Variants in ZNF264 observed in about 807,000 individuals in gnomAD.
The protein encoded by ZNF264 is zinc finger protein 264.
Under a neutral mutation model 11.2 loss-of-function variants are expected in ZNF264, and 11 were observed. The ratio of observed to expected loss-of-function variants is 0.98; its 90% CI spans 0.62 to 1.63. The LOEUF (loss-of-function observed/expected upper bound fraction) is 1.63, where lower values mean the gene tolerates loss of function less well. Among genes scored for constraint, ZNF264 ranks in the 40% most tolerant of loss-of-function variants. ZNF264 has a pLI of 0.00. For synonymous variants in ZNF264, 309 were observed against 279.8 expected, an observed-to-expected ratio of 1.10 and a Z score of -1.04; for missense variants, 752 against 768.1, an observed-to-expected ratio of 0.98 and a Z score of 0.25.
At chr19:57,194,207 C>A in intron 2 of ZNF264, 2 of 651,334 alleles carry the variant, frequency 3.1e-6, no homozygotes, top group Non-Finnish European at 4.7e-6. Flanking sequence ...GGCTCCCAGC[C>A]AAAGGAGAAG....
intron 2 of ZNF264, among the ~76,000 whole-genome samples, chr19:57,200,994 A>T (rs1413620361): frequency 1.3e-4 from 20 of 151,906 alleles, no homozygotes; most frequent in Admixed American, 1.3e-3. Context: ...TGTTATAAAC[A>T]TTAGTATATA....
rs1459920576 is a variant in ZNF264 at position 57,216,527 on chromosome 19, T to C, written c.*3546T>C. The C allele has an allele frequency of 2.0e-5, 3 of 152,262 alleles. No homozygotes were observed. Among genetic ancestry groups the C allele is most frequent in the Non-Finnish European group, 4.4e-5 (3 of 68,052 alleles). 9.4% of individuals were successfully genotyped at this position (152,262 alleles called of 1,614,324 possible). A position where few individuals can be genotyped will look rare whatever the true frequency, so the allele number is the denominator to read the frequency against. ...CATTATGTGATGTCATTTTTTTGCCTTTTAATAGTCTTGTCAATACTTTAC... is the reference window on the plus strand; with the variant it reads ...CATTATGTGATGTCATTTTTTTGCCCTTTAATAGTCTTGTCAATACTTTAC... On this transcript the variant is annotated 3_prime_UTR_variant, in exon 4 of 4. Coordinates refer to ENST00000263095, the MANE Select transcript of ZNF264 (RefSeq NM_003417.5).
rs1267428548 is a variant in ZNF264, at chr19:57,222,711, C to A, written c.*9730C>A. 1.3e-5 allele frequency: 2 copies of A among 152,118 alleles called. No individual in the cohort carries two copies. The highest frequency in any genetic ancestry group is 2.9e-5 in the Non-Finnish European group (2 of 68,018). The allele number at this position is 152,118 out of a possible 1,614,324, so 9.4% of individuals were successfully genotyped here. ...TGTATTTCTATAGTATATATGTAAA[C>A]AATTTGTCATCCTTTTGTTGCTGCT... On this transcript the variant is annotated 3_prime_UTR_variant, in exon 4 of 4. Coordinates refer to ENST00000263095, the MANE Select transcript of ZNF264 (RefSeq NM_003417.5).
rs375741693 is a variant in ZNF264, at chr19:57,213,026, T to C, written c.*45T>C. On this transcript the variant is annotated 3_prime_UTR_variant, in exon 4 of 4. Coordinates refer to ENST00000263095, the MANE Select transcript of ZNF264 (RefSeq NM_003417.5). ...ATATTACTTGTCATCTGAAGAGTCA[T>C]ATTAGAAATTCGTTCAGTCTAGAGC... The C allele has an allele frequency of 1.4e-5, 21 of 1,553,376 alleles. No individual in the cohort carries two copies. In the African/African-American group the frequency reaches 2.1e-4, roughly 15 times the overall value.
intron 3 of ZNF264, among the ~76,000 whole-genome samples, 156 bp downstream of exon 3, chr19:57,205,648 C>G (rs141560996): frequency 2.0e-5 from 3 of 152,316 alleles, no homozygotes; most frequent in Admixed American, 6.5e-5. Context: ...ATTTGAGAGC[C>G]ATGGAGCCCT....
At chr19:57,197,042 C>T (rs2087216909) in intron 2 of ZNF264, among the ~76,000 whole-genome samples, 1 of 151,912 alleles carries the variant, frequency 6.6e-6, no homozygotes, top group African/African-American at 2.4e-5. Flanking sequence ...CAGGTGGTTC[C>T]TGCATATCAT....
In ZNF264 at chr19:57,212,354, G is replaced by A. The variant is rs1187769348; in HGVS notation, c.1257G>A (p.Arg419=). Residue 419 remains arginine, a synonymous_variant, in exon 4 of 4, where the codon CGG becomes CGA. Coordinates refer to ENST00000263095, the MANE Select transcript of ZNF264 (RefSeq NM_003417.5). ...GATCCTACCTCAAGAGGCACCAGCG[G>A]ATTCACACTGGGGAGAAGCCCTTCG... The part of the protein sequence containing the change: ...NHRSYLKRHQ[R]IHTGEKPFVC... 1.2e-6 allele frequency: 2 copies of A among 1,613,948 alleles called. No homozygotes were observed. Among genetic ancestry groups the A allele is most frequent in the Admixed American group, 1.7e-5 (1 of 60,000 alleles).
rs1470690146 is a variant in ZNF264 at position 57,216,025 on chromosome 19, A to G, written c.*3044A>G. The G allele has an allele frequency of 6.6e-6, 1 of 152,292 alleles. No homozygotes were observed. The highest frequency in any genetic ancestry group is 1.5e-5 in the Non-Finnish European group (1 of 68,120). 9.4% of individuals were successfully genotyped at this position (152,292 alleles called of 1,614,324 possible). A position where few individuals can be genotyped will look rare whatever the true frequency, so the allele number is the denominator to read the frequency against. ...CTATGTCCTTGCTGATTTTCTGTCC[A>G]GCATTTCTGTCAGTTGCTGAGAGGG... On this transcript the variant is annotated 3_prime_UTR_variant, in exon 4 of 4. Transcript: ENST00000263095.
intron 3 of ZNF264, 102 bp from the exon 4 acceptor site, chr19:57,211,250 CAG>C (rs2087332669): frequency 8.6e-7 from 1 of 1,167,818 alleles, no homozygotes; most frequent in Non-Finnish European, 1.2e-6. Context: ...AATAGCAACA[CAG>C]AGGCAATATT....
chr19:57,214,810 CATT>C lies in ZNF264; in HGVS notation c.*1832_*1834del, dbSNP rs1199284850. ...GTACTTTTTCTCCACCAGTTGATGT[CATT>C]ATGCTATTTTCCTTCTACATCCTAT... is the stretch of plus-strand genomic sequence containing the variant. On this transcript the variant is annotated 3_prime_UTR_variant, in exon 4 of 4. Coordinates refer to ENST00000263095, the MANE Select transcript of ZNF264 (RefSeq NM_003417.5). The C allele has an allele frequency of 1.3e-5, 2 of 152,158 alleles. No individual in the cohort carries two copies. The highest frequency in any genetic ancestry group is 3.9e-4 in the East Asian group (2 of 5,194). 9.4% of individuals were successfully genotyped at this position (152,158 alleles called of 1,614,324 possible). A position where few individuals can be genotyped will look rare whatever the true frequency, so the allele number is the denominator to read the frequency against.
In ZNF264 at chr19:57,217,783, C is replaced by CGTTTTTTTTTTTTT. The variant is rs200211709; in HGVS notation, c.*4802_*4803insGTTTTTTTTTTTTT. ...CGTCATGAGAAACATTGTCTCTTGA[C>CGTTTTTTTTTTTTT]CTTTTTTTTTTTTTTTTTTTTTTAA... On this transcript the variant is annotated 3_prime_UTR_variant, in exon 4 of 4. Transcript: ENST00000263095. 8.6e-6 allele frequency: 1 copy of CGTTTTTTTTTTTTT among 115,772 alleles called. No individual in the cohort carries two copies. Among genetic ancestry groups the CGTTTTTTTTTTTTT allele is most frequent in the African/African-American group, 3.8e-5 (1 of 26,212 alleles). 7.2% of individuals were successfully genotyped at this position (115,772 alleles called of 1,614,324 possible). A position where few individuals can be genotyped will look rare whatever the true frequency, so the allele number is the denominator to read the frequency against.
chr19:57,195,010 G>T (rs4801440), intron 2 of ZNF264: 1 of 382,850 alleles, frequency 2.6e-6, no homozygotes. Flanking sequence ...AGGGACTTCT[G>T]GTGACTGTGT....
At chr19:57,193,579 T>TCC in intron 1 of ZNF264, 1 of 975,032 alleles carries the variant, frequency 1.0e-6, no homozygotes, top group Non-Finnish European at 1.2e-6. Flanking sequence ...TATTACCATT[T>TCC]CCCCATTTCC....
At chr19:57,207,763 G>A in intron 3 of ZNF264, among the ~76,000 whole-genome samples, 1 of 151,196 alleles carries the variant, frequency 6.6e-6, no homozygotes, top group Non-Finnish European at 1.5e-5. Flanking sequence ...TTTTGCTGTT[G>A]TTGCCCAGGC....
At chr19:57,205,311 C>A in intron 2 of ZNF264, 86 bp from the exon 3 acceptor site, 1 of 1,312,548 alleles carries the variant, frequency 7.6e-7, no homozygotes, top group South Asian at 1.3e-5. Context: ...AAGGTCTGGT[C>A]TCCATCCTGA....
At chr19:57,194,629 G>A in intron 2 of ZNF264, 1 of 378,394 alleles carries the variant, frequency 2.6e-6, no homozygotes, top group Non-Finnish European at 4.7e-6. Context: ...GGTAGTCTAG[G>A]CCAGTCTAGT....
rs1215858336 is a variant in ZNF264 at position 57,220,455 on chromosome 19, G to T, written c.*7474G>T. 1 of 152,108 alleles carries T rather than the reference G, an allele frequency of 6.6e-6. No individual in the cohort carries two copies. The highest frequency in any genetic ancestry group is 1.9e-4 in the East Asian group (1 of 5,186). The allele number at this position is 152,108 out of a possible 1,614,324, so 9.4% of individuals were successfully genotyped here. A position where few individuals can be genotyped will look rare whatever the true frequency, so the allele number is the denominator to read the frequency against. On this transcript the variant is annotated 3_prime_UTR_variant, in exon 4 of 4. Coordinates refer to ENST00000263095, the MANE Select transcript of ZNF264 (RefSeq NM_003417.5). Reference sequence around the variant, plus strand: ...GTGTTTGAAGTGCCTAAAGATCAGGGTGAATTTCCCAAATTTGAATCTTGT... The same window carrying T: ...GTGTTTGAAGTGCCTAAAGATCAGGTTGAATTTCCCAAATTTGAATCTTGT...
chr19:57,212,593 C>A lies in ZNF264; in HGVS notation c.1496C>A (p.Thr499Lys), dbSNP rs147865767. The A allele has an allele frequency of 2.5e-6, 4 of 1,613,846 alleles. No homozygotes were observed. The highest frequency in any genetic ancestry group is 3.4e-6 in the Non-Finnish European group (4 of 1,179,980). The change falls in exon 4 of 4, where the codon ACG becomes AAG. Residue 499 changes from threonine to lysine, a missense_variant. By Grantham distance (78) the Thr-to-Lys change is moderately conservative. Transcript: ENST00000263095. ...GKAFTRMSGL[T>K]RHKRIHSGEK... ...GCCTTCACCCGCATGTCGGGCCTCA[C>A]GAGGCACAAGCGGATTCATAGTGGA...
At position 57,215,654 on chromosome 19, in the gene ZNF264, A is replaced by T. The variant is rs1303541069; in HGVS notation, c.*2673A>T. 6.6e-6 allele frequency: 1 copy of T among 152,200 alleles called. No individual in the cohort carries two copies. Among genetic ancestry groups the T allele is most frequent in the African/African-American group, 2.4e-5 (1 of 41,448 alleles). 9.4% of individuals were successfully genotyped at this position (152,200 alleles called of 1,614,324 possible). A position where few individuals can be genotyped will look rare whatever the true frequency, so the allele number is the denominator to read the frequency against. On this transcript the variant is annotated 3_prime_UTR_variant, in exon 4 of 4. Coordinates refer to ENST00000263095, the MANE Select transcript of ZNF264 (RefSeq NM_003417.5). Reference sequence around the variant, plus strand: ...ATTTTTTTGCTTTTTTAATGTAAGCATTACATTGTATAAATTTACCTCATA... The same window carrying T: ...ATTTTTTTGCTTTTTTAATGTAAGCTTTACATTGTATAAATTTACCTCATA...
Sources: gnomAD v4.1 joint callset for allele counts (sites outside exome capture counted in the v4.1 genomes callset) on GRCh38, gnomAD v4.1.1 for gene constraint, MANE v1.5 for transcripts, NCBI Gene and HGNC (gene_info 2026-07-23, HGNC 2026-07-21) for gene names.